ANAPC1: variants seen among roughly 807,000 people sequenced by gnomAD.
ANAPC1 encodes anaphase-promoting complex subunit 1.
Under a neutral mutation model 208.0 loss-of-function variants are expected in ANAPC1, and 36 were observed. The ratio of observed to expected loss-of-function variants is 0.17; its 90% CI spans 0.13 to 0.23. ANAPC1 has a LOEUF of 0.23. ANAPC1 is among the 10% of genes least tolerant of loss of function. The pLI, the probability that ANAPC1 is intolerant of heterozygous loss-of-function variation, is 1.00. For missense variants in ANAPC1, 942 were observed against 2,011.6 expected (o/e 0.47, Z 10.17); for synonymous variants, 378 against 695.2 (o/e 0.54, Z 7.18).
intron 12 of ANAPC1, 56 bp from the exon 13 acceptor site, chr2:111,856,735 T>G: frequency 6.2e-7 from 1 of 1,613,202 alleles, no homozygotes; most frequent in Non-Finnish European, 8.5e-7. Flanking sequence ...AATTAACAGA[T>G]TTTTTGACTG....
chr2:111,799,408 A>C (rs1678330972), intron 34 of ANAPC1, among the ~76,000 whole-genome samples: 1 of 152,248 alleles, frequency 6.6e-6, no homozygotes, highest in African/African-American at 2.4e-5. Flanking sequence ...AATAAAACTA[A>C]ATATACCATC....
At position 111,860,166 on chromosome 2, in the gene ANAPC1, G is replaced by C. The variant is rs948069085; in HGVS notation, c.1263-1765C>G. 4.7e-4 allele frequency among the ~76,000 whole-genome samples: 72 copies of C among 151,970 alleles called. 2 individuals are homozygous for C. The highest frequency in any genetic ancestry group is 1.6e-3 in the African/African-American group (65 of 41,378). ...TACAAAAAATTAGTCAGGCGTGGCG[G>C]TGTGTGCTTATAGTCCCAGCTATCT... On this transcript the variant is annotated intron_variant, in intron 10 of 47. Coordinates refer to ENST00000341068, the MANE Select transcript of ANAPC1 (RefSeq NM_022662.4).
At chr2:111,841,305 G>A (rs752334598) in intron 17 of ANAPC1, among the ~76,000 whole-genome samples, 3 of 151,920 alleles carry the variant, frequency 2.0e-5, no homozygotes, top group Non-Finnish European at 4.4e-5. Context: ...TTCCAGTTGG[G>A]GGAGGAAGGA....
intron 18 of ANAPC1, among the ~76,000 whole-genome samples, 180 bp downstream of exon 18, chr2:111,838,258 T>C (rs1680581130): frequency 6.6e-6 from 1 of 152,096 alleles, no homozygotes; most frequent in Non-Finnish European, 1.5e-5. Context: ...TAGATAATCA[T>C]TAAAGACCAC....
intron 17 of ANAPC1, 33 bp downstream of exon 17, chr2:111,843,379 T>C (rs1271658357): frequency 1.9e-5 from 30 of 1,608,322 alleles, no homozygotes; most frequent in Non-Finnish European, 2.5e-5. Context: ...ATTAACAGAA[T>C]AACTCATAAA....
chr2:111,843,648 C>A, intron 16 of ANAPC1, 49 bp from the exon 17 acceptor site: 1 of 1,475,262 alleles, frequency 6.8e-7, no homozygotes. Context: ...GCATGCATTT[C>A]TTTTCCCCTT....
intron 3 of ANAPC1, among the ~76,000 whole-genome samples, chr2:111,875,385 T>C (rs1682968561): frequency 6.6e-6 from 1 of 152,156 alleles, no homozygotes; most frequent in Admixed American, 6.5e-5. Flanking sequence ...AATGCACCGA[T>C]TACAGTCTCA....
At chr2:111,867,308 A>C (rs1158785762) in intron 7 of ANAPC1, among the ~76,000 whole-genome samples, 2 of 152,124 alleles carry the variant, frequency 1.3e-5, no homozygotes, top group Non-Finnish European at 2.9e-5. Context: ...AAAGAAAAAA[A>C]AAAACCATTC....
At chr2:111,867,270 A>G (rs577388985) in intron 7 of ANAPC1, among the ~76,000 whole-genome samples, 28 of 152,260 alleles carry the variant, frequency 1.8e-4, no homozygotes, top group African/African-American at 6.5e-4. Flanking sequence ...GGCCTGGGCA[A>G]CAAGAGCAAA....
chr2:111,880,968 A>C, intron 1 of ANAPC1, 119 bp from the exon 2 acceptor site: 2 of 914,726 alleles, frequency 2.2e-6, no homozygotes, highest in South Asian at 1.8e-5. Flanking sequence ...CAGACTGGTA[A>C]GTATATAAGT....
At chr2:111,841,138 C>G (rs999781165) in intron 17 of ANAPC1, among the ~76,000 whole-genome samples, 1 of 152,096 alleles carries the variant, frequency 6.6e-6, no homozygotes, top group Admixed American at 6.6e-5. Context: ...GAAATAGACA[C>G]AAACTCTTAA....
chr2:111,831,265 A>G (rs1440602840), intron 21 of ANAPC1, 21 bp downstream of exon 21: 2 of 1,570,228 alleles, frequency 1.3e-6, no homozygotes, highest in Non-Finnish European at 1.7e-6. Context: ...GGAGATAGGT[A>G]GTAACACTCC....
intron 9 of ANAPC1, among the ~76,000 whole-genome samples, chr2:111,863,011 C>T (rs1221281799): frequency 8.7e-6 from 1 of 115,286 alleles, no homozygotes. Context: ...ATTTACATAT[C>T]AAATAACAAG....
chr2:111,831,610 C>G (rs552551140), intron 20 of ANAPC1, among the ~76,000 whole-genome samples, 176 bp from the exon 21 acceptor site: 1 of 151,994 alleles, frequency 6.6e-6, no homozygotes, highest in South Asian at 2.1e-4. Context: ...GAGGCCCAAG[C>G]AGGTGGATCA....
intron 46 of ANAPC1, among the ~76,000 whole-genome samples, chr2:111,775,333 A>G (rs566776575): frequency 6.6e-6 from 1 of 152,298 alleles, no homozygotes; most frequent in African/African-American, 2.4e-5. Context: ...TAGTGTAGTG[A>G]TTTAATGGGT....
chr2:111,795,301 G>C lies in ANAPC1; in HGVS notation c.4297-407C>G, dbSNP rs1437112782. Reference sequence around the variant, plus strand: ...GGAGGCTGAGGCAGTAGAATCACTTGAATCTGGGAGGTGCAGGATGCAGTG... The same window carrying C: ...GGAGGCTGAGGCAGTAGAATCACTTCAATCTGGGAGGTGCAGGATGCAGTG... On this transcript the variant is annotated intron_variant, in intron 34 of 47. Coordinates refer to ENST00000341068, the MANE Select transcript of ANAPC1 (RefSeq NM_022662.4). Among the ~76,000 whole-genome samples, 43 of 151,638 alleles carry C rather than the reference G, an allele frequency of 2.8e-4. 1 individual carries two copies. Among genetic ancestry groups the C allele is most frequent in the South Asian group, 6.3e-4 (3 of 4,800 alleles).
At position 111,876,020 on chromosome 2, in the gene ANAPC1, C is replaced by T. The variant is rs184761220; in HGVS notation, c.376-2356G>A. On this transcript the variant is annotated intron_variant, in intron 3 of 47. Coordinates refer to ENST00000341068, the MANE Select transcript of ANAPC1 (RefSeq NM_022662.4). ...TGATCTGTTTGTTCTCCTTTCTAGG[C>T]TATGAGTCCTTCAATGGCAGAAACT... Among the ~76,000 whole-genome samples the T allele has an allele frequency of 2.0e-3, 308 of 152,212 alleles. 1 individual carries two copies. The highest frequency in any genetic ancestry group is 7.2e-3 in the African/African-American group (300 of 41,552).
intron 34 of ANAPC1, among the ~76,000 whole-genome samples, chr2:111,796,937 AAAAG>A (rs1009416236): frequency 1.4e-5 from 2 of 145,994 alleles, no homozygotes; most frequent in Non-Finnish European, 3.0e-5. Flanking sequence ...TCTGAAGTAA[AAAAG>A]AGAGAGATGT....
At chr2:111,852,043 T>TA (rs1239335848) in intron 13 of ANAPC1, among the ~76,000 whole-genome samples, 2 of 151,528 alleles carry the variant, frequency 1.3e-5, no homozygotes, top group African/African-American at 4.9e-5. Context: ...TCCTTAGGCT[T>TA]AAAAAACAAA....
Sources: gnomAD v4.1 joint callset for allele counts (sites outside exome capture counted in the v4.1 genomes callset) on GRCh38, gnomAD v4.1.1 for gene constraint, MANE v1.5 for transcripts, NCBI Gene and HGNC (gene_info 2026-07-23, HGNC 2026-07-21) for gene names.